GABRG3: variants seen among roughly 807,000 people sequenced by gnomAD.
The protein encoded by GABRG3 is gamma-aminobutyric acid receptor subunit gamma-3.
GABRG3 carries 25 observed loss-of-function variants against 48.8 expected under a neutral mutation model. The observed-to-expected ratio is 0.51, with a 90% CI of 0.37 to 0.72. The LOEUF is 0.72. Among genes scored for constraint, GABRG3 ranks in the 30% least tolerant of loss-of-function variants. GABRG3 has a pLI of 0.00. For missense variants in GABRG3, 394 were observed against 577.9 expected (o/e 0.68, Z 3.26); for synonymous variants, 227 against 217.6 (o/e 1.04, Z -0.38).
chr15:27,007,093 T>G (rs1895600881), intron 2 of GABRG3, among the ~76,000 whole-genome samples: 1 of 151,910 alleles, frequency 6.6e-6, no homozygotes, highest in Non-Finnish European at 1.5e-5. Flanking sequence ...TTTTTTTTGT[T>G]TTTTGAGACA....
chr15:27,442,534 C>T (rs1174248708), intron 5 of GABRG3, among the ~76,000 whole-genome samples: 1 of 152,202 alleles, frequency 6.6e-6, no homozygotes, highest in Non-Finnish European at 1.5e-5. Flanking sequence ...CCAGCATACA[C>T]GCATCCTAGT....
intron 3 of GABRG3, among the ~76,000 whole-genome samples, chr15:27,126,151 C>T (rs1372126867): frequency 5.9e-5 from 9 of 151,456 alleles, no homozygotes. Flanking sequence ...CAGTGAGTAG[C>T]AAGTTGAGAG....
At chr15:27,353,664 G>A (rs1894727263) in intron 5 of GABRG3, among the ~76,000 whole-genome samples, 4 of 151,872 alleles carry the variant, frequency 2.6e-5, no homozygotes, top group African/African-American at 9.7e-5. Context: ...GGCTGGTCTC[G>A]AACTCCTGAC....
At chr15:27,010,089 C>T (rs1255291690) in intron 2 of GABRG3, among the ~76,000 whole-genome samples, 1 of 152,144 alleles carries the variant, frequency 6.6e-6, no homozygotes, top group African/African-American at 2.4e-5. Flanking sequence ...GAGCTACAGG[C>T]ACATACTACC....
In GABRG3 at chr15:27,538,915, A is replaced by C. The variant is rs1253138069; in HGVS notation, c.*6034A>C. 1 of 152,230 alleles carries C rather than the reference A, an allele frequency of 6.6e-6. No homozygotes were observed. The highest frequency in any genetic ancestry group is 1.9e-4 in the East Asian group (1 of 5,194). The allele number at this position is 152,230 out of a possible 1,614,324, so 9.4% of individuals were successfully genotyped here. On this transcript the variant is annotated 3_prime_UTR_variant, in exon 10 of 10. Coordinates refer to ENST00000615808, the MANE Select transcript of GABRG3 (RefSeq NM_033223.5). ...ATATGTGTTTCTTAGGTATCTAAGG[A>C]TACATGAGCGAGCCCACAGCACAAT... is the stretch of plus-strand genomic sequence containing the variant.
At chr15:27,145,595 A>ATATCTATCTC (rs1898184517) in intron 3 of GABRG3, among the ~76,000 whole-genome samples, 2 of 63,074 alleles carry the variant, frequency 3.2e-5, no homozygotes, top group South Asian at 9.0e-4. Flanking sequence ...ATATATACAT[A>ATATCTATCTC]TATCTATCTC....
At chr15:27,123,810 C>T (rs1475768691) in intron 3 of GABRG3, among the ~76,000 whole-genome samples, 1 of 152,078 alleles carries the variant, frequency 6.6e-6, no homozygotes, top group Non-Finnish European at 1.5e-5. Flanking sequence ...CTGTGTACAG[C>T]AGGACTCGAA....
At chr15:27,359,360 A>G (rs189553893) in intron 5 of GABRG3, among the ~76,000 whole-genome samples, 4 of 152,224 alleles carry the variant, frequency 2.6e-5, no homozygotes, top group Non-Finnish European at 4.4e-5. Context: ...TTATTGTTCT[A>G]TGTCCCTCTT....
intron 3 of GABRG3, among the ~76,000 whole-genome samples, chr15:27,209,929 G>A (rs561446072): frequency 3.3e-5 from 5 of 152,270 alleles, no homozygotes; most frequent in African/African-American, 9.6e-5. Flanking sequence ...CCTGGTGTCC[G>A]TCTGTGTGTC....
At chr15:27,491,861 G>A (rs535214438) in intron 6 of GABRG3, among the ~76,000 whole-genome samples, 71 of 152,120 alleles carry the variant, frequency 4.7e-4, no homozygotes, top group Middle Eastern at 3.4e-3. Context: ...TCAAATATGC[G>A]GGCTATTTAG....
At chr15:27,456,706 TAGGC>T (rs1480827011) in intron 5 of GABRG3, among the ~76,000 whole-genome samples, 1 of 151,858 alleles carries the variant, frequency 6.6e-6, no homozygotes, top group Non-Finnish European at 1.5e-5. Context: ...GCGGAGGAAA[TAGGC>T]AGGCTGTACT....
chr15:27,154,103 G>A (rs952928024), intron 3 of GABRG3, among the ~76,000 whole-genome samples: 2 of 152,104 alleles, frequency 1.3e-5, no homozygotes, highest in Non-Finnish European at 2.9e-5. Flanking sequence ...TCCCCTTCCT[G>A]TCTTTTGGCT....
rs1889318220 is a variant in GABRG3 at position 27,457,481 on chromosome 15, A to G, written c.575-23169A>G. Among the ~76,000 whole-genome samples, 1 of 152,146 alleles carries G rather than the reference A, an allele frequency of 6.6e-6. No homozygotes were observed. The highest frequency in any genetic ancestry group is 1.5e-5 in the Non-Finnish European group (1 of 68,032). On this transcript the variant is annotated intron_variant, in intron 5 of 9. Coordinates refer to ENST00000615808, the MANE Select transcript of GABRG3 (RefSeq NM_033223.5). The surrounding 1 kb of genome is among the most constrained non-coding windows in gnomAD (Gnocchi z 4.4). ...TTGGGCACATTTCTTTCTTGAGATA[A>G]ACAATCTTTTAACACAGCAATGGGT...
At chr15:27,028,370 G>A (rs1379080883) in intron 3 of GABRG3, among the ~76,000 whole-genome samples, 1 of 152,164 alleles carries the variant, frequency 6.6e-6, no homozygotes, top group Non-Finnish European at 1.5e-5. Context: ...AGGGGCACAT[G>A]GGGGCAGCTG....
At chr15:27,129,890 GGTT>G (rs553770521) in intron 3 of GABRG3, among the ~76,000 whole-genome samples, 11 of 151,776 alleles carry the variant, frequency 7.2e-5, no homozygotes, top group African/African-American at 2.2e-4. Flanking sequence ...GTTTAAATCA[GGTT>G]GTTGTTGTTG....
intron 3 of GABRG3, among the ~76,000 whole-genome samples, chr15:27,105,704 G>C (rs1897438138): frequency 6.6e-6 from 1 of 152,134 alleles, no homozygotes; most frequent in African/African-American, 2.4e-5. Context: ...GTGAAGTGTA[G>C]ATTGGTGCAG....
chr15:27,419,218 C>G (rs1888035789), intron 5 of GABRG3: 1 of 152,126 alleles, frequency 6.6e-6, no homozygotes, highest in Non-Finnish European at 1.5e-5. Flanking sequence ...CAGCTCTGGC[C>G]CTACAGTGCC....
intron 3 of GABRG3, among the ~76,000 whole-genome samples, chr15:27,316,475 T>C (rs1893231785): frequency 6.6e-6 from 1 of 151,098 alleles, no homozygotes; most frequent in Non-Finnish European, 1.5e-5. Flanking sequence ...CATCTTTGGA[T>C]AGAAAATTGG....
chr15:27,026,984 A>T (rs76178134), intron 3 of GABRG3, 163 bp downstream of exon 3: 2 of 443,888 alleles, frequency 4.5e-6, no homozygotes, highest in South Asian at 8.3e-5. Flanking sequence ...AAAAAAAAAA[A>T]TGAAGAAAGA....
Sources: allele counts gnomAD v4.1 joint callset (sites outside exome capture counted in the v4.1 genomes callset), GRCh38; gene constraint gnomAD v4.1.1; non-coding constraint Gnocchi (gnomAD v3.1); transcripts MANE v1.5; gene names NCBI Gene and HGNC (gene_info 2026-07-23, HGNC 2026-07-21).